Variants in ROBO2 observed in about 807,000 individuals in gnomAD.
ROBO2 encodes roundabout guidance receptor 2.
ROBO2 carries 53 observed loss-of-function variants against 160.8 expected under a neutral mutation model. That is an observed-to-expected ratio of 0.33 (90% CI 0.26 to 0.41). ROBO2 has a LOEUF of 0.41. ROBO2 is among the 10% of genes least tolerant of loss of function. The pLI, the probability that ROBO2 is intolerant of heterozygous loss-of-function variation, is 1.00. For synonymous variants in ROBO2, 664 were observed against 611.7 expected (o/e 1.09, Z -1.26); for missense variants, 1,577 against 1,722.4 (o/e 0.92, Z 1.49).
intron 2 of ROBO2, among the ~76,000 whole-genome samples, chr3:76,959,299 T>C (rs1163450799): frequency 6.6e-6 from 1 of 152,230 alleles, no homozygotes; most frequent in East Asian, 1.9e-4. Flanking sequence ...AAAGAGTTTA[T>C]GGTAGATTTG....
intron 2 of ROBO2, among the ~76,000 whole-genome samples, chr3:77,305,877 T>C (rs2063055623): frequency 1.3e-5 from 2 of 152,322 alleles, no homozygotes; most frequent in East Asian, 1.9e-4. Flanking sequence ...CCTGAATATC[T>C]ACATAAGGAT....
intron 2 of ROBO2, among the ~76,000 whole-genome samples, chr3:77,408,760 G>A (rs559650161): frequency 4.6e-5 from 7 of 151,970 alleles, no homozygotes; most frequent in African/African-American, 1.4e-4. Flanking sequence ...TCACTCTGTG[G>A]CACAGTCTGG....
intron 2 of ROBO2, among the ~76,000 whole-genome samples, chr3:76,602,633 C>T (rs9832942): frequency 0.033 from 4,982 of 152,222 alleles, 223 homozygotes; most frequent in African/African-American, 0.11. Context: ...AGGAAAGACC[C>T]GTCCCCATAG....
chr3:76,092,496 T>C (rs2069276027), intron 2 of ROBO2, among the ~76,000 whole-genome samples: 1 of 152,172 alleles, frequency 6.6e-6, no homozygotes, highest in South Asian at 2.1e-4. Flanking sequence ...ATAACTTCTA[T>C]CCCCTAAGTT....
chr3:76,067,977 G>C (rs996097474), intron 2 of ROBO2, among the ~76,000 whole-genome samples: 1 of 152,170 alleles, frequency 6.6e-6, no homozygotes, highest in Non-Finnish European at 1.5e-5. Context: ...AGAGGGGTAA[G>C]ACAATTATCA....
chr3:77,201,624 G>T (rs578156114), intron 2 of ROBO2, among the ~76,000 whole-genome samples: 43 of 152,028 alleles, frequency 2.8e-4, no homozygotes, highest in Non-Finnish European at 4.9e-4. Context: ...AAGTATGTTG[G>T]TCTGTTTCCT....
At chr3:77,256,545 C>G (rs2153320225) in intron 2 of ROBO2, among the ~76,000 whole-genome samples, 1 of 152,140 alleles carries the variant, frequency 6.6e-6, no homozygotes, top group Non-Finnish European at 1.5e-5. Context: ...AAAAAAATCT[C>G]TTTTATTCAG....
At chr3:77,104,538 T>C (rs2072518714) in intron 2 of ROBO2, among the ~76,000 whole-genome samples, 1 of 152,184 alleles carries the variant, frequency 6.6e-6, no homozygotes, top group African/African-American at 2.4e-5. Flanking sequence ...GAAATTTTGA[T>C]ACACATTTTT....
At chr3:77,026,954 G>A (rs1488034209) in intron 2 of ROBO2, among the ~76,000 whole-genome samples, 1 of 152,128 alleles carries the variant, frequency 6.6e-6, no homozygotes, top group African/African-American at 2.4e-5. Context: ...ATAAAAAGCT[G>A]CTGTTATTAA....
chr3:77,326,687 A>G (rs1234726032), intron 2 of ROBO2, among the ~76,000 whole-genome samples: 2 of 152,172 alleles, frequency 1.3e-5, no homozygotes, highest in Non-Finnish European at 2.9e-5. Context: ...ATTCGAGCTC[A>G]GTATATACCA....
intron 2 of ROBO2, among the ~76,000 whole-genome samples, chr3:76,874,419 C>T (rs1038002419): frequency 3.9e-5 from 6 of 152,070 alleles, no homozygotes; most frequent in East Asian, 3.9e-4. Flanking sequence ...TCTAAGGGTG[C>T]TCTTGCTTTC....
chr3:76,517,818 TTTCCTCTCCTTGTGGAGAGG>T (rs755914894), intron 2 of ROBO2, among the ~76,000 whole-genome samples: 1 of 152,144 alleles, frequency 6.6e-6, no homozygotes, highest in Non-Finnish European at 1.5e-5. Flanking sequence ...GTATCTACCT[TTTCCTCTCCTTGTGGAGAGG>T]AAAGAACAGA....
chr3:77,589,574 T>C (rs1255148247), intron 17 of ROBO2, among the ~76,000 whole-genome samples: 1 of 152,084 alleles, frequency 6.6e-6, no homozygotes, highest in Non-Finnish European at 1.5e-5. Context: ...AAGAAGACCC[T>C]AGATGGTCTA....
At chr3:77,024,383 T>C (rs2062821298) in intron 2 of ROBO2, among the ~76,000 whole-genome samples, 1 of 152,192 alleles carries the variant, frequency 6.6e-6, no homozygotes, top group African/African-American at 2.4e-5. Context: ...TGAGCTAACC[T>C]GTGTCAGAAA....
At chr3:77,534,051 T>C (rs2091931681) in intron 6 of ROBO2, among the ~76,000 whole-genome samples, 1 of 152,206 alleles carries the variant, frequency 6.6e-6, no homozygotes, top group East Asian at 1.9e-4. Context: ...AGATAATTTT[T>C]GTGCAACTGG....
At chr3:76,120,843 T>A (rs2070722260) in intron 2 of ROBO2, among the ~76,000 whole-genome samples, 1 of 152,188 alleles carries the variant, frequency 6.6e-6, no homozygotes, top group South Asian at 2.1e-4. Context: ...CTGTGTAAGG[T>A]ATTGTAGTAT....
At chr3:76,877,555 T>C (rs2072879689) in intron 2 of ROBO2, among the ~76,000 whole-genome samples, 1 of 152,184 alleles carries the variant, frequency 6.6e-6, no homozygotes, top group South Asian at 2.1e-4. Flanking sequence ...AAGTAAATGA[T>C]GACATGTTTG....
rs574249813 is a variant in ROBO2 at position 75,968,440 on chromosome 3, ATTG to A, written c.109+30841_109+30843del. 2.4e-3 allele frequency among the ~76,000 whole-genome samples: 367 copies of A among 151,610 alleles called. 2 individuals carry two copies. The highest frequency in any genetic ancestry group is 0.014 in the Middle Eastern group (4 of 294). On this transcript the variant is annotated intron_variant, in intron 2 of 26. Transcript: ENST00000487694. Reference sequence around the variant, plus strand: ...AAGTTTTGAAATTTTTAATGTATAAATTGTTAAGTTTTGATAACCTACATTTTA... The same window carrying A: ...AAGTTTTGAAATTTTTAATGTATAAATTAAGTTTTGATAACCTACATTTTA...
At chr3:76,927,271 C>A (rs2077045214) in intron 2 of ROBO2, among the ~76,000 whole-genome samples, 1 of 152,080 alleles carries the variant, frequency 6.6e-6, no homozygotes, top group South Asian at 2.1e-4. Context: ...AAAATTACCA[C>A]CCCCACCACC....
Sources: allele counts gnomAD v4.1 joint callset (sites outside exome capture counted in the v4.1 genomes callset), GRCh38; gene constraint gnomAD v4.1.1; transcripts MANE v1.5; gene names NCBI Gene and HGNC (gene_info 2026-07-23, HGNC 2026-07-21).